SLC20A2: variants seen among roughly 807,000 people sequenced by gnomAD.
SLC20A2 encodes the protein sodium-dependent phosphate transporter 2.
SLC20A2 carries 30 observed loss-of-function variants against 61.0 expected under a neutral mutation model. That is an observed-to-expected ratio of 0.49 (90% CI 0.37 to 0.67). The LOEUF (loss-of-function observed/expected upper bound fraction) is 0.67, where lower values mean the gene tolerates loss of function less well. Among genes scored for constraint, SLC20A2 ranks in the 30% least tolerant of loss-of-function variants. The pLI, the probability that SLC20A2 is intolerant of heterozygous loss-of-function variation, is 0.00. For synonymous variants in SLC20A2, 351 were observed against 353.3 expected, an observed-to-expected ratio of 0.99 and a Z score of 0.07; for missense variants, 626 against 866.4, an observed-to-expected ratio of 0.72 and a Z score of 3.48.
intron 5 of SLC20A2, among the ~76,000 whole-genome samples, chr8:42,448,270 A>T (rs977854913): frequency 3.3e-5 from 5 of 152,262 alleles, no homozygotes; most frequent in African/African-American, 1.2e-4. Context: ...CGCCAAACTG[A>T]TCTAAGAGAG....
chr8:42,423,985 T>A (rs1352169294), intron 10 of SLC20A2, among the ~76,000 whole-genome samples: 2 of 152,244 alleles, frequency 1.3e-5, no homozygotes, highest in Non-Finnish European at 2.9e-5. Context: ...TAGTGTTCCC[T>A]GTATGCTGTT....
chr8:42,490,757 T>C (rs534435241), intron 1 of SLC20A2, among the ~76,000 whole-genome samples: 5 of 151,344 alleles, frequency 3.3e-5, no homozygotes, highest in African/African-American at 4.9e-5. Context: ...AAGAGGTGAG[T>C]TGCCGGGCAC....
chr8:42,522,144 T>C lies in SLC20A2; in HGVS notation c.-265+19677A>G, dbSNP rs919428501. Among the ~76,000 whole-genome samples the C allele has an allele frequency of 1.8e-3, 217 of 121,156 alleles. 64 individuals carry two copies. In the East Asian group the frequency reaches 0.052, roughly 29 times the overall value. The allele number at this position is 121,156 out of a possible 152,430, so 79.5% of individuals were successfully genotyped here. ...AAGGGGAAAGATGCAAATGGATGGC[T>C]AGAGAGGAGAAGACTGCCAGAATAA... On this transcript the variant is annotated intron_variant, in intron 1 of 10. Coordinates refer to the SLC20A2 transcript ENST00000342228.
chr8:42,426,424 G>A lies in SLC20A2; in HGVS notation c.1794+2334C>T, dbSNP rs545905403. 3.3e-5 allele frequency among the ~76,000 whole-genome samples: 5 copies of A among 152,270 alleles called. No homozygotes were observed. The South Asian group carries it at 6.2e-4, about 19-fold the overall frequency. ...TCAAAAGCTCTTTCAGGCCAGGCAC[G>A]GTGGCTCACGCCTGTAATCCCAGCA... On this transcript the variant is annotated intron_variant, in intron 10 of 10. Transcript: ENST00000520262.
intron 1 of SLC20A2, among the ~76,000 whole-genome samples, chr8:42,537,150 G>A (rs188826660): frequency 1.0e-3 from 159 of 151,808 alleles, no homozygotes; most frequent in African/African-American, 3.7e-3. Flanking sequence ...GGAGGCTGAG[G>A]CAGGAGGAGG....
chr8:42,432,728 G>T (rs1263364399), intron 8 of SLC20A2, among the ~76,000 whole-genome samples: 1 of 152,184 alleles, frequency 6.6e-6, no homozygotes, highest in Admixed American at 6.5e-5. Context: ...TCAACATCAA[G>T]GCCCAGACCC....
chr8:42,456,731 CAAAAAAA>C (rs986357542), intron 5 of SLC20A2, among the ~76,000 whole-genome samples: 2 of 58,552 alleles, frequency 3.4e-5, no homozygotes, highest in Non-Finnish European at 6.8e-5. Flanking sequence ...GACTCTGTCT[CAAAAAAA>C]AAAAAAAAAA....
intron 6 of SLC20A2, among the ~76,000 whole-genome samples, chr8:42,439,972 C>T (rs1186131907): frequency 6.6e-6 from 1 of 151,180 alleles, no homozygotes; most frequent in Non-Finnish European, 1.5e-5. Context: ...GTAATTCCAA[C>T]TACTTGGGAG....
chr8:42,521,703 T>C (rs1811626379), intron 1 of SLC20A2, among the ~76,000 whole-genome samples: 1 of 120,238 alleles, frequency 8.3e-6, no homozygotes, highest in African/African-American at 2.6e-5. Flanking sequence ...TTGCCCAGAC[T>C]GGTCTCAAAC....
chr8:42,440,849 G>GC (rs1804718445), intron 6 of SLC20A2, among the ~76,000 whole-genome samples: 1 of 152,194 alleles, frequency 6.6e-6, no homozygotes, highest in African/African-American at 2.4e-5. Context: ...CACTCAGGCT[G>GC]GAGTGCAGTG....
intron 1 of SLC20A2, among the ~76,000 whole-genome samples, chr8:42,489,430 GC>G (rs780791051): frequency 8.8e-5 from 13 of 147,770 alleles, no homozygotes; most frequent in African/African-American, 1.7e-4. Context: ...TCCACTGTCT[GC>G]CCCCCCCACC....
chr8:42,438,085 A>AAAAAAAAAAC (rs1401813867), intron 7 of SLC20A2, among the ~76,000 whole-genome samples: 1 of 149,242 alleles, frequency 6.7e-6, no homozygotes, highest in African/African-American at 2.5e-5. Flanking sequence ...AAAAAAAAAA[A>AAAAAAAAAAC]AAAACATGGA....
At chr8:42,509,847 C>T (rs1056839782) in intron 1 of SLC20A2, among the ~76,000 whole-genome samples, 24 of 152,152 alleles carry the variant, frequency 1.6e-4, no homozygotes, top group Admixed American at 1.6e-3. Context: ...CAAAAGAGCA[C>T]TAATACCACC....
chr8:42,439,217 C>G (rs1804571586), intron 7 of SLC20A2, among the ~76,000 whole-genome samples: 1 of 152,198 alleles, frequency 6.6e-6, no homozygotes, highest in Non-Finnish European at 1.5e-5. Context: ...CCAGTGCCTC[C>G]GGTTAGACTA....
At chr8:42,445,491 C>T (rs928118913) in intron 5 of SLC20A2, among the ~76,000 whole-genome samples, 3 of 151,822 alleles carry the variant, frequency 2.0e-5, no homozygotes, top group Non-Finnish European at 4.4e-5. Flanking sequence ...TTTGGGAGGC[C>T]GAGGTGGGAG....
At chr8:42,470,404 A>C (rs939256002) in intron 2 of SLC20A2, among the ~76,000 whole-genome samples, 1 of 151,740 alleles carries the variant, frequency 6.6e-6, no homozygotes, top group South Asian at 2.1e-4. Flanking sequence ...TTTTTTGTAC[A>C]GACAGGGTCT....
chr8:42,468,021 G>C (rs1807322110), intron 2 of SLC20A2, among the ~76,000 whole-genome samples: 1 of 151,496 alleles, frequency 6.6e-6, no homozygotes, highest in African/African-American at 2.4e-5. Context: ...TCCTGCCTCA[G>C]CCTCCCGAGT....
chr8:42,462,045 C>T (rs551752476), intron 4 of SLC20A2, among the ~76,000 whole-genome samples: 69 of 152,104 alleles, frequency 4.5e-4, no homozygotes, highest in African/African-American at 1.5e-3. Flanking sequence ...GGACTGTGGC[C>T]GGAGCTCAAA....
chr8:42,444,778 A>G lies in SLC20A2; in HGVS notation c.614-16T>C. The G allele has an allele frequency of 6.3e-7, 1 of 1,597,142 alleles. No individual in the cohort carries two copies. Among genetic ancestry groups the G allele is most frequent in the Non-Finnish European group, 8.6e-7 (1 of 1,165,076 alleles). ...AGGCCGAGCACTGGGAAGGAAAATGAGAAGCAGTGTCATTACTGGAAACTT... is the reference window on the plus strand; with the variant it reads ...AGGCCGAGCACTGGGAAGGAAAATGGGAAGCAGTGTCATTACTGGAAACTT... On this transcript the variant is annotated splice_polypyrimidine_tract_variant and intron_variant, in intron 5 of 10. Coordinates refer to ENST00000520262, the MANE Select transcript of SLC20A2 (RefSeq NM_001257180.2).
Sources: gnomAD v4.1 joint callset for allele counts (sites outside exome capture counted in the v4.1 genomes callset) on GRCh38, gnomAD v4.1.1 for gene constraint, MANE v1.5 for transcripts, NCBI Gene and HGNC (gene_info 2026-07-23, HGNC 2026-07-21) for gene names.